ANK1: variants seen among roughly 807,000 people sequenced by gnomAD.
ANK1 encodes ankyrin-1.
A neutral mutation model predicts 210.4 loss-of-function variants in ANK1; 51 were observed. The observed-to-expected ratio is 0.24, with a 90% CI of 0.19 to 0.31. The LOEUF is 0.31. ANK1 is among the 10% of genes least tolerant of loss of function. ANK1 has a pLI of 1.00. For missense variants in ANK1, 2,051 were observed against 2,504.4 expected, an observed-to-expected ratio of 0.82 and a Z score of 3.86; for synonymous variants, 967 against 1,025.9, an observed-to-expected ratio of 0.94 and a Z score of 1.10.
chr8:41,682,951 G>T (rs577256176), intron 37 of ANK1, among the ~76,000 whole-genome samples: 2 of 152,202 alleles, frequency 1.3e-5, no homozygotes, highest in Non-Finnish European at 2.9e-5. Flanking sequence ...GGTCCCCTGA[G>T]GGGAGGCTGG....
At chr8:41,803,070 A>AG in intron 1 of ANK1, among the ~76,000 whole-genome samples, 2 of 52,634 alleles carry the variant, frequency 3.8e-5, no homozygotes, top group African/African-American at 1.7e-4. Context: ...AAAGGAAGGA[A>AG]GGAAGGAAGG....
chr8:41,755,587 G>A (rs1284487838), intron 2 of ANK1, among the ~76,000 whole-genome samples: 1 of 152,170 alleles, frequency 6.6e-6, no homozygotes, highest in Non-Finnish European at 1.5e-5. Flanking sequence ...GAGAGAGCGA[G>A]CAACCCACCC....
rs1270174933 is a variant in ANK1, at chr8:41,663,701, C to T, written c.5436G>A (p.Glu1812=). 1.9e-6 allele frequency: 3 copies of T among 1,614,070 alleles called. No homozygotes were observed. The highest frequency in any genetic ancestry group is 2.5e-6 in the Non-Finnish European group (3 of 1,180,024). ...TGCCCTGCTCATCCGTGAATTGCTC[C>T]TCTGTCACCTGCTCCCCTGGAATAT... The part of the protein sequence containing the change: ...FQNIPGEQVT[E]EQFTDEQGNI... The change falls in exon 40 of 43, where the codon GAG becomes GAA. Residue 1812 remains glutamate, a synonymous_variant. Coordinates refer to ENST00000289734, the MANE Select transcript of ANK1 (RefSeq NM_000037.4).
intron 1 of ANK1, among the ~76,000 whole-genome samples, chr8:41,893,957 AG>A: frequency 6.6e-6 from 1 of 152,118 alleles, no homozygotes; most frequent in South Asian, 2.1e-4. Context: ...GCCCCTTGTA[AG>A]CTTTCTTCAA....
intron 1 of ANK1, chr8:41,839,959 CTG>C (rs1808546445): frequency 6.6e-6 from 1 of 152,186 alleles, no homozygotes; most frequent in African/African-American, 2.4e-5. Context: ...AATAGAGAAA[CTG>C]TGCATGGGGC....
chr8:41,740,669 T>C (rs1834566345), intron 2 of ANK1, among the ~76,000 whole-genome samples: 1 of 152,206 alleles, frequency 6.6e-6, no homozygotes, highest in East Asian at 1.9e-4. Context: ...GCGTGCACTC[T>C]ATATACACAT....
At chr8:41,743,334 C>A (rs182444455) in intron 2 of ANK1, among the ~76,000 whole-genome samples, 113 of 152,176 alleles carry the variant, frequency 7.4e-4, no homozygotes, top group African/African-American at 2.5e-3. Flanking sequence ...GAAGGAGCGA[C>A]GGCATGATAG....
chr8:41,678,953 T>C (rs962400415), intron 37 of ANK1, among the ~76,000 whole-genome samples: 6 of 152,072 alleles, frequency 3.9e-5, no homozygotes, highest in African/African-American at 1.4e-4. Flanking sequence ...CCAGCTAATT[T>C]TTTTGTATTT....
At chr8:41,841,686 TACAC>T (rs1808932244) in intron 1 of ANK1, among the ~76,000 whole-genome samples, 1 of 152,166 alleles carries the variant, frequency 6.6e-6, no homozygotes, top group Admixed American at 6.5e-5. Context: ...ATACATCCAA[TACAC>T]ACAGGGGTTT....
At chr8:41,728,611 G>A (rs894619427) in intron 3 of ANK1, among the ~76,000 whole-genome samples, 2 of 152,200 alleles carry the variant, frequency 1.3e-5, no homozygotes, top group Non-Finnish European at 2.9e-5. Flanking sequence ...TGTGATTGGA[G>A]TGGCGCAGGA....
chr8:41,880,395 T>A (rs2150830992), intron 1 of ANK1, among the ~76,000 whole-genome samples: 2 of 152,332 alleles, frequency 1.3e-5, no homozygotes, highest in Middle Eastern at 6.8e-3. Context: ...AACAATTATT[T>A]CTGTTTAATA....
intron 2 of ANK1, among the ~76,000 whole-genome samples, chr8:41,734,575 C>G (rs1832969298): frequency 6.6e-6 from 1 of 152,124 alleles, no homozygotes; most frequent in Admixed American, 6.5e-5. Flanking sequence ...GTAAGATTTC[C>G]TCAATAGAAA....
At chr8:41,804,661 T>C (rs1169500905) in intron 1 of ANK1, among the ~76,000 whole-genome samples, 1 of 152,236 alleles carries the variant, frequency 6.6e-6, no homozygotes, top group Non-Finnish European at 1.5e-5. Context: ...CTTTATTTCA[T>C]GTTAAATGTT....
intron 1 of ANK1, among the ~76,000 whole-genome samples, chr8:41,768,374 C>T (rs1422747738): frequency 2.0e-5 from 3 of 152,214 alleles, no homozygotes; most frequent in Non-Finnish European, 4.4e-5. Flanking sequence ...TTTCCTCTCC[C>T]GCTGTCCCCT....
At chr8:41,703,699 C>T (rs1823735038) in intron 20 of ANK1, among the ~76,000 whole-genome samples, 1 of 151,802 alleles carries the variant, frequency 6.6e-6, no homozygotes, top group Non-Finnish European at 1.5e-5. Flanking sequence ...CTATGTTGCC[C>T]ACGCTGGTCT....
chr8:41,844,112 A>G (rs1809542598), intron 1 of ANK1, among the ~76,000 whole-genome samples: 2 of 152,164 alleles, frequency 1.3e-5, no homozygotes, highest in Admixed American at 6.5e-5. Flanking sequence ...GCCTCAAGCA[A>G]TCCTCCCACC....
At chr8:41,774,051 A>C (rs144118289) in intron 1 of ANK1, among the ~76,000 whole-genome samples, 4 of 36,362 alleles carry the variant, frequency 1.1e-4, no homozygotes, top group Non-Finnish European at 4.5e-4. Context: ...AGAATTCCTA[A>C]AGAACAAAAT....
chr8:41,813,993 A>G (rs949018726), intron 1 of ANK1, among the ~76,000 whole-genome samples: 2 of 152,252 alleles, frequency 1.3e-5, no homozygotes, highest in African/African-American at 4.8e-5. Flanking sequence ...TAACATAATC[A>G]GTGTTTTCAA....
intron 38 of ANK1, 105 bp from the exon 39 acceptor site, chr8:41,668,669 T>G: frequency 1.6e-6 from 2 of 1,271,040 alleles, no homozygotes; most frequent in Non-Finnish European, 2.2e-6. Flanking sequence ...CCCAGAGCTC[T>G]GGCTCATCAA....
Sources: gnomAD v4.1 joint callset for allele counts (sites outside exome capture counted in the v4.1 genomes callset) on GRCh38, gnomAD v4.1.1 for gene constraint, MANE v1.5 for transcripts, NCBI Gene and HGNC (gene_info 2026-07-23, HGNC 2026-07-21) for gene names.